Variants in CEP112 observed in about 807,000 individuals in gnomAD.
The protein encoded by CEP112 is centrosomal protein of 112 kDa.
A neutral mutation model predicts 153.0 loss-of-function variants in CEP112; 127 were observed. The observed-to-expected ratio is 0.83, with a 90% CI of 0.72 to 0.96. The LOEUF is 0.96. Among genes scored for constraint, CEP112 ranks in the 40% least tolerant of loss-of-function variants. The probability of loss-of-function intolerance (pLI) is 0.00; values close to 1 mark genes in which losing one functional copy is unlikely to be tolerated. For synonymous variants in CEP112, 358 were observed against 374.4 expected, an observed-to-expected ratio of 0.96 and a Z score of 0.51; for missense variants, 1,089 against 1,101.2, an observed-to-expected ratio of 0.99 and a Z score of 0.16.
In CEP112 at chr17:65,721,010, T is replaced by TCTC. The variant is rs543044308; in HGVS notation, c.2607+22057_2607+22058insGAG. The stretch of plus-strand genomic sequence containing the variant: ...TAAGTTTTATCTCTCTCTCTCTCTC[T>TCTC]TTTTTTTTTTTTTTTTTTTGAGACG... On this transcript the variant is annotated intron_variant, in intron 23 of 26. Coordinates refer to ENST00000535342, the MANE Select transcript of CEP112 (RefSeq NM_001199165.4). Among the ~76,000 whole-genome samples the TCTC allele has an allele frequency of 5.1e-3, 423 of 83,512 alleles. 1 individual carries two copies. The highest frequency in any genetic ancestry group is 0.047 in the East Asian group (152 of 3,234). 54.8% of individuals were successfully genotyped at this position (83,512 alleles called of 152,430 possible). A position where few individuals can be genotyped will look rare whatever the true frequency, so the allele number is the denominator to read the frequency against.
Position 66,113,583 on chromosome 17 carries a change from A to G in CEP112, c.642+16163T>C, listed in dbSNP as rs142442760. Among the ~76,000 whole-genome samples the G allele has an allele frequency of 6.6e-5, 10 of 152,340 alleles. No individual in the cohort carries two copies. The East Asian group carries it at 1.9e-3, about 29-fold the overall frequency. Reference sequence around the variant, plus strand: ...TGCAGCATTTCAACTATGCAGAAGTAACTCCTATTTCAACCTCTTCATCTT... The same window carrying G: ...TGCAGCATTTCAACTATGCAGAAGTGACTCCTATTTCAACCTCTTCATCTT... On this transcript the variant is annotated intron_variant, in intron 6 of 26. Transcript: ENST00000535342.
chr17:65,662,058 TC>T (rs1460843693), intron 24 of CEP112, among the ~76,000 whole-genome samples: 3 of 152,100 alleles, frequency 2.0e-5, no homozygotes, highest in Admixed American at 1.3e-4. Context: ...AGCCTCAACT[TC>T]ATGGGCTCAG....
chr17:65,990,247 T>C (rs2063548254), intron 17 of CEP112, among the ~76,000 whole-genome samples: 1 of 152,198 alleles, frequency 6.6e-6, no homozygotes, highest in African/African-American at 2.4e-5. Context: ...GATGGCTAAA[T>C]AGAAGCTTAA....
intron 17 of CEP112, among the ~76,000 whole-genome samples, chr17:65,971,057 T>C (rs1340804436): frequency 6.6e-6 from 1 of 152,204 alleles, no homozygotes; most frequent in Non-Finnish European, 1.5e-5. Context: ...TACATGTCTA[T>C]TACATACATG....
chr17:65,993,633 T>C (rs941986936), intron 17 of CEP112, among the ~76,000 whole-genome samples: 7 of 152,154 alleles, frequency 4.6e-5, no homozygotes, highest in African/African-American at 1.4e-4. Context: ...TATGGTGGTA[T>C]ATTCACCTTG....
intron 6 of CEP112, among the ~76,000 whole-genome samples, chr17:66,101,492 C>T (rs1231610535): frequency 6.6e-6 from 1 of 151,976 alleles, no homozygotes; most frequent in Non-Finnish European, 1.5e-5. Context: ...CTGATGCTTC[C>T]TGATTAAGTA....
chr17:65,688,875 C>T (rs937628676), intron 24 of CEP112: 4 of 310,750 alleles, frequency 1.3e-5, no homozygotes, highest in Non-Finnish European at 2.4e-5. Context: ...TCAAGTAATT[C>T]CCCTGCCTCA....
intron 17 of CEP112, among the ~76,000 whole-genome samples, chr17:65,973,212 A>G (rs1390308215): frequency 3.3e-5 from 5 of 152,252 alleles, no homozygotes; most frequent in Admixed American, 3.3e-4. Flanking sequence ...CCTAGATATG[A>G]CACCAACAGC....
At chr17:65,645,566 C>T (rs1232328717) in intron 24 of CEP112, among the ~76,000 whole-genome samples, 1 of 152,198 alleles carries the variant, frequency 6.6e-6, no homozygotes, top group Admixed American at 6.5e-5. Context: ...TTTCATCTGT[C>T]TGTTGACTTA....
chr17:66,070,602 CT>C (rs1225844335), intron 8 of CEP112, among the ~76,000 whole-genome samples: 1 of 152,124 alleles, frequency 6.6e-6, no homozygotes, highest in Non-Finnish European at 1.5e-5. Context: ...AACTTCTATC[CT>C]CTCCAAACCA....
chr17:65,791,405 G>C (rs2054584615), intron 21 of CEP112, among the ~76,000 whole-genome samples: 1 of 152,074 alleles, frequency 6.6e-6, no homozygotes, highest in South Asian at 2.1e-4. Context: ...AAAGCTCCCT[G>C]GTTGCTTCTG....
intron 12 of CEP112, among the ~76,000 whole-genome samples, chr17:66,040,246 C>T (rs1159908857): frequency 6.6e-6 from 1 of 151,650 alleles, no homozygotes; most frequent in Non-Finnish European, 1.5e-5. Context: ...TAATTTTAGC[C>T]CTTTTTGTAG....
At chr17:65,998,428 G>GAAC (rs2063879435) in intron 17 of CEP112, among the ~76,000 whole-genome samples, 1 of 144,676 alleles carries the variant, frequency 6.9e-6, no homozygotes, top group East Asian at 2.0e-4. Context: ...AAATTGAACT[G>GAAC]TGGTGATGGT....
chr17:66,145,149 T>C (rs949875482), intron 4 of CEP112, among the ~76,000 whole-genome samples: 1 of 152,246 alleles, frequency 6.6e-6, no homozygotes, highest in African/African-American at 2.4e-5. Flanking sequence ...TAAAGAATGC[T>C]GTTGGCCATC....
chr17:65,725,719 G>A (rs2050140525), intron 23 of CEP112, among the ~76,000 whole-genome samples: 2 of 152,182 alleles, frequency 1.3e-5, no homozygotes, highest in Non-Finnish European at 2.9e-5. Context: ...AATCATGGTG[G>A]TGGCAAGAGA....
chr17:65,697,244 T>C (rs575508274), intron 23 of CEP112, among the ~76,000 whole-genome samples: 19 of 152,322 alleles, frequency 1.2e-4, no homozygotes, highest in African/African-American at 4.3e-4. Context: ...ACGTGATGCC[T>C]GAGCTGTGAC....
At chr17:65,663,376 G>A (rs1239937233) in intron 24 of CEP112, among the ~76,000 whole-genome samples, 1 of 152,234 alleles carries the variant, frequency 6.6e-6, no homozygotes, top group Non-Finnish European at 1.5e-5. Flanking sequence ...TTGATGGAAT[G>A]AGAACTTTCA....
intron 12 of CEP112, among the ~76,000 whole-genome samples, chr17:66,049,613 T>G (rs1379148317): frequency 6.6e-6 from 1 of 152,086 alleles, no homozygotes; most frequent in Admixed American, 6.6e-5. Flanking sequence ...AGCTGGGCCA[T>G]GGTGGCACAC....
rs751754055 is a variant in CEP112, at chr17:66,167,352, G to A, written c.470+7692C>T. On this transcript the variant is annotated intron_variant, in intron 4 of 26. Coordinates refer to ENST00000535342, the MANE Select transcript of CEP112 (RefSeq NM_001199165.4). Reference sequence around the variant, plus strand: ...GCAGCTAACACTTAACAGGCCCTCTGTCAAGGGCTCTACACGTCTTATTTC... The same window carrying A: ...GCAGCTAACACTTAACAGGCCCTCTATCAAGGGCTCTACACGTCTTATTTC... Among the ~76,000 whole-genome samples, 51 of 151,642 alleles carry A rather than the reference G, an allele frequency of 3.4e-4. No homozygotes were observed. The Middle Eastern group carries it at 0.01, about 30-fold the overall frequency.
Sources: allele counts gnomAD v4.1 joint callset (sites outside exome capture counted in the v4.1 genomes callset), GRCh38; gene constraint gnomAD v4.1.1; transcripts MANE v1.5; gene names NCBI Gene and HGNC (gene_info 2026-07-23, HGNC 2026-07-21).